ABCD3: variants seen among roughly 807,000 people sequenced by gnomAD.
ABCD3 encodes the protein ATP-binding cassette sub-family D member 3.
In ABCD3, 41 loss-of-function variants were observed where a neutral mutation model predicts 105.5. That is an observed-to-expected ratio of 0.39 (90% confidence interval 0.30 to 0.50). The LOEUF (loss-of-function observed/expected upper bound fraction) is 0.50. Among genes scored for constraint, ABCD3 ranks in the 20% least tolerant of loss-of-function variants. The pLI is 0.84. For missense variants in ABCD3, 622 were observed against 806.3 expected (o/e 0.77, Z 2.77); for synonymous variants, 258 against 269.0 (o/e 0.96, Z 0.40).
In ABCD3 at chr1:94,468,015, T is replaced by G. The variant is rs955886111; in HGVS notation, c.335+8T>G. 2.5e-6 allele frequency: 4 copies of G among 1,581,258 alleles called. No individual in the cohort carries two copies. Among genetic ancestry groups the G allele is most frequent in the Non-Finnish European group, 3.5e-6 (4 of 1,150,384 alleles). On this transcript the variant is annotated splice_region_variant and intron_variant, in intron 4 of 22. Coordinates refer to ENST00000370214, the MANE Select transcript of ABCD3 (RefSeq NM_002858.4). ...TGGGACACTAATTGAAAGGTACTTTTTCAATCACCTTCCTCCTATATGTAT... is the reference window on the plus strand; with the variant it reads ...TGGGACACTAATTGAAAGGTACTTTGTCAATCACCTTCCTCCTATATGTAT...
At position 94,518,331 on chromosome 1, in the gene ABCD3, A is replaced by C. The variant is rs1383544712; in HGVS notation, c.*1202A>C. ...CTCAAACTGAGCTTCAGAAAGGGGC[A>C]TTTTGTACTCTTGTTTTTGCATAAC... On this transcript the variant is annotated 3_prime_UTR_variant, in exon 23 of 23. Coordinates refer to ENST00000370214, the MANE Select transcript of ABCD3 (RefSeq NM_002858.4). The C allele has an allele frequency of 6.6e-6, 1 of 152,198 alleles. No homozygotes were observed. The highest frequency in any genetic ancestry group is 1.5e-5 in the Non-Finnish European group (1 of 67,776). 9.4% of individuals were successfully genotyped at this position (152,198 alleles called of 1,614,324 possible).
intron 1 of ABCD3, among the ~76,000 whole-genome samples, chr1:94,446,075 G>T (rs558506506): frequency 4.3e-4 from 65 of 152,310 alleles, no homozygotes; most frequent in African/African-American, 1.5e-3. Flanking sequence ...GAATCAGGCT[G>T]CCAGATAGGG....
chr1:94,395,376 C>T, the ABCD3 span, among the ~76,000 whole-genome samples: 1 of 152,128 alleles, frequency 6.6e-6, no homozygotes, highest in Non-Finnish European at 1.5e-5. Context: ...CAGCAGGAGG[C>T]CATTACCATT....
At chr1:94,464,079 CT>C (rs1234801468) in intron 2 of ABCD3, among the ~76,000 whole-genome samples, 1 of 152,090 alleles carries the variant, frequency 6.6e-6, no homozygotes, top group Non-Finnish European at 1.5e-5. Context: ...CCTGTGTGAA[CT>C]GTTCTTTTTT....
chr1:94,484,546 A>G (rs2101014157), intron 10 of ABCD3, among the ~76,000 whole-genome samples: 1 of 152,280 alleles, frequency 6.6e-6, no homozygotes, highest in Admixed American at 6.5e-5. Flanking sequence ...ACGGAAAACC[A>G]AACACTGCAT....
At chr1:94,454,140 C>G (rs543012994) in intron 1 of ABCD3, among the ~76,000 whole-genome samples, 1 of 151,746 alleles carries the variant, frequency 6.6e-6, no homozygotes, top group Non-Finnish European at 1.5e-5. Context: ...TGAAAGAGGA[C>G]AGAAACTAAT....
At chr1:94,393,164 A>G in the ABCD3 span, among the ~76,000 whole-genome samples, 4 of 152,152 alleles carry the variant, frequency 2.6e-5, no homozygotes, top group Admixed American at 2.6e-4. Flanking sequence ...GTCTTATTGT[A>G]GATGGTTGTA....
Position 94,517,251 on chromosome 1 carries a change from AT to A in ABCD3, c.*124del. On this transcript the variant is annotated 3_prime_UTR_variant, in exon 23 of 23. Transcript: ENST00000370214. ...TTTAAAAAAAAAAACAAAGCAACAA[AT>A]TAACTAGATACAGAATAATGGAGAA... The A allele has an allele frequency of 1.4e-6, 1 of 738,830 alleles. No homozygotes were observed. The highest frequency in any genetic ancestry group is 2.4e-6 in the Non-Finnish European group (1 of 420,980). The allele number at this position is 738,830 out of a possible 1,614,324, so 45.8% of individuals were successfully genotyped here.
chr1:94,428,053 G>A (rs2100879269), intron 1 of ABCD3, among the ~76,000 whole-genome samples: 1 of 151,686 alleles, frequency 6.6e-6, no homozygotes, highest in Non-Finnish European at 1.5e-5. Flanking sequence ...GGTAAAATAG[G>A]AGTATGCTAA....
intron 20 of ABCD3, among the ~76,000 whole-genome samples, 162 bp from the exon 21 acceptor site, chr1:94,506,376 T>C (rs950264236): frequency 1.3e-5 from 2 of 152,274 alleles, no homozygotes; most frequent in Non-Finnish European, 2.9e-5. Flanking sequence ...AACAGTTATG[T>C]TTATATTGTT....
intron 1 of ABCD3, among the ~76,000 whole-genome samples, chr1:94,449,644 C>T (rs1441405143): frequency 6.6e-6 from 1 of 152,184 alleles, no homozygotes; most frequent in Non-Finnish European, 1.5e-5. Context: ...AGTGAACGTA[C>T]TTGTTTAGGA....
At chr1:94,494,129 T>C (rs543855949) in intron 16 of ABCD3, among the ~76,000 whole-genome samples, 2 of 152,286 alleles carry the variant, frequency 1.3e-5, no homozygotes, top group Admixed American at 1.3e-4. Context: ...ATAACTACCC[T>C]GTATTAAAAT....
chr1:94,503,833 G>C (rs1042958668), intron 20 of ABCD3, among the ~76,000 whole-genome samples: 1 of 138,760 alleles, frequency 7.2e-6, no homozygotes, highest in African/African-American at 2.7e-5. Context: ...CAGTCTCACT[G>C]TTTCACCTAG....
chr1:94,477,490 G>A (rs1299532595), intron 7 of ABCD3, among the ~76,000 whole-genome samples: 1 of 151,900 alleles, frequency 6.6e-6, no homozygotes, highest in African/African-American at 2.4e-5. Flanking sequence ...CCCAGGCATG[G>A]TAATGTGCGC....
chr1:94,468,325 T>C (rs1229722956), intron 4 of ABCD3, among the ~76,000 whole-genome samples: 1 of 152,214 alleles, frequency 6.6e-6, no homozygotes, highest in African/African-American at 2.4e-5. Context: ...ATGGGAATTC[T>C]AAAAAACCAC....
chr1:94,418,701 G>C (rs986898692), intron 1 of ABCD3, 113 bp downstream of exon 1: 3 of 1,122,558 alleles, frequency 2.7e-6, no homozygotes, highest in Admixed American at 2.1e-5. Context: ...CGGGCGGAGA[G>C]AGGGCCGACC....
chr1:94,454,406 G>A (rs1011758428), intron 1 of ABCD3, among the ~76,000 whole-genome samples: 4 of 152,282 alleles, frequency 2.6e-5, no homozygotes, highest in Non-Finnish European at 4.4e-5. Context: ...ATTTGGGGTG[G>A]AAAGGTGAGT....
At chr1:94,401,047 T>C in the ABCD3 span, among the ~76,000 whole-genome samples, 1 of 152,154 alleles carries the variant, frequency 6.6e-6, no homozygotes, top group African/African-American at 2.4e-5. Context: ...CTCTTCAGAT[T>C]CCCCACTAGC....
chr1:94,506,230 C>G (rs1004679676), intron 20 of ABCD3, among the ~76,000 whole-genome samples: 3 of 152,060 alleles, frequency 2.0e-5, no homozygotes, highest in Non-Finnish European at 4.4e-5. Flanking sequence ...ACTCTGTAAT[C>G]TTATTTGTTT....
Sources: allele counts gnomAD v4.1 joint callset (sites outside exome capture counted in the v4.1 genomes callset), GRCh38; gene constraint gnomAD v4.1.1; transcripts MANE v1.5; gene names NCBI Gene and HGNC (gene_info 2026-07-23, HGNC 2026-07-21).